Variants in AFG1L observed in about 807,000 individuals in gnomAD.
AFG1L encodes the protein AFG1 like ATPase.
AFG1L carries 53 observed loss-of-function variants against 62.2 expected under a neutral mutation model. The ratio of observed to expected loss-of-function variants is 0.85; its 90% CI spans 0.68 to 1.07. The LOEUF (loss-of-function observed/expected upper bound fraction) is 1.07. AFG1L is among the 50% of genes least tolerant of loss of function. AFG1L has a pLI of 0.00. For missense variants in AFG1L, 555 were observed against 590.5 expected (o/e 0.94, Z 0.62); for synonymous variants, 228 against 210.3 (o/e 1.08, Z -0.73).
intron 10 of AFG1L, among the ~76,000 whole-genome samples, chr6:108,487,016 ATTTC>A (rs1773598696): frequency 6.6e-6 from 1 of 152,164 alleles, no homozygotes; most frequent in South Asian, 2.1e-4. Context: ...GTCAGCAACT[ATTTC>A]TTAAGTACTT....
chr6:108,379,120 C>T (rs1780384071), intron 6 of AFG1L, among the ~76,000 whole-genome samples: 1 of 150,818 alleles, frequency 6.6e-6, no homozygotes, highest in South Asian at 2.1e-4. Context: ...GAGCAATTCT[C>T]CTGCCTCAGC....
chr6:108,361,794 A>G (rs866728401), intron 5 of AFG1L, among the ~76,000 whole-genome samples: 1 of 152,134 alleles, frequency 6.6e-6, no homozygotes, highest in Non-Finnish European at 1.5e-5. Context: ...TTAACACCCT[A>G]TTTGAAATTG....
intron 3 of AFG1L, among the ~76,000 whole-genome samples, chr6:108,349,543 T>C (rs1778999224): frequency 6.6e-6 from 1 of 152,076 alleles, no homozygotes; most frequent in Admixed American, 6.5e-5. Flanking sequence ...GCTCTCTGTA[T>C]GGGAGAGTAG....
intron 7 of AFG1L, among the ~76,000 whole-genome samples, chr6:108,446,089 CA>C (rs1562166620): frequency 1.4e-4 from 16 of 113,270 alleles, no homozygotes; most frequent in African/African-American, 3.4e-4. Context: ...CACACACACA[CA>C]CACACACACA....
At chr6:108,446,485 CTCTCTCTT>C (rs1278234477) in intron 7 of AFG1L, among the ~76,000 whole-genome samples, 3 of 142,514 alleles carry the variant, frequency 2.1e-5, no homozygotes, top group Non-Finnish European at 4.5e-5. Context: ...CCAACTCTCT[CTCTCTCTT>C]TTTTTTTTTT....
intron 7 of AFG1L, among the ~76,000 whole-genome samples, chr6:108,432,313 AT>A (rs1323260345): frequency 6.6e-6 from 1 of 151,868 alleles, no homozygotes; most frequent in Non-Finnish European, 1.5e-5. Context: ...GTACATTCTT[AT>A]GTGTTTTCTC....
chr6:108,492,121 T>C (rs1023546757), intron 10 of AFG1L, among the ~76,000 whole-genome samples: 1 of 152,236 alleles, frequency 6.6e-6, no homozygotes, highest in African/African-American at 2.4e-5. Flanking sequence ...GGATCCTAAA[T>C]ATCTCTTTTT....
intron 8 of AFG1L, among the ~76,000 whole-genome samples, chr6:108,462,655 T>C (rs1329150247): frequency 7.2e-5 from 11 of 152,150 alleles, no homozygotes; most frequent in Non-Finnish European, 1.5e-4. Flanking sequence ...CTTTATTGAA[T>C]AGTGTTTGTT....
intron 8 of AFG1L, among the ~76,000 whole-genome samples, chr6:108,457,703 T>C (rs1772306697): frequency 6.6e-6 from 1 of 152,166 alleles, no homozygotes; most frequent in African/African-American, 2.4e-5. Flanking sequence ...CATTCTGTTA[T>C]ATAGATTGAA....
At chr6:108,522,182 A>T in intron 12 of AFG1L, 115 bp from the exon 13 acceptor site, 1 of 848,330 alleles carries the variant, frequency 1.2e-6, no homozygotes, top group Non-Finnish European at 1.8e-6. Context: ...AAAAAGTTAT[A>T]AAAAAAGGCA....
At chr6:108,412,289 T>C (rs1174677417) in intron 7 of AFG1L, among the ~76,000 whole-genome samples, 1 of 152,208 alleles carries the variant, frequency 6.6e-6, no homozygotes, top group Admixed American at 6.5e-5. Context: ...CTACATCTGA[T>C]TGGTGTATCT....
intron 7 of AFG1L, among the ~76,000 whole-genome samples, chr6:108,430,576 C>A (rs980825667): frequency 6.6e-6 from 1 of 152,110 alleles, no homozygotes; most frequent in Non-Finnish European, 1.5e-5. Flanking sequence ...AGATAGAGAT[C>A]AAAATACTTG....
intron 10 of AFG1L, among the ~76,000 whole-genome samples, chr6:108,492,422 A>G (rs1773811019): frequency 6.6e-6 from 1 of 152,226 alleles, no homozygotes; most frequent in Admixed American, 6.5e-5. Flanking sequence ...GCTGGTACTA[A>G]TTACTTCATC....
intron 7 of AFG1L, among the ~76,000 whole-genome samples, chr6:108,405,312 T>G (rs1425676539): frequency 6.6e-6 from 1 of 152,164 alleles, no homozygotes; most frequent in African/African-American, 2.4e-5. Flanking sequence ...TTAACCAAAT[T>G]TTTTATTGTG....
intron 3 of AFG1L, among the ~76,000 whole-genome samples, chr6:108,351,451 T>G (rs1258471557): frequency 6.6e-6 from 1 of 152,212 alleles, no homozygotes; most frequent in Non-Finnish European, 1.5e-5. Flanking sequence ...AATTATTAAC[T>G]CTAGTGGTGA....
rs1210612611 is a variant in AFG1L at position 108,438,414 on chromosome 6, T to G, written c.808-8800T>G. Among the ~76,000 whole-genome samples the G allele has an allele frequency of 1.3e-5, 2 of 152,138 alleles. 1 individual carries two copies. The highest frequency in any genetic ancestry group is 1.3e-4 in the Admixed American group (2 of 15,264). Reference sequence around the variant, plus strand: ...GTATCCACATGTCCACATTTCCTCTTCTCATAAGGATACCAGTCAGACTTC... The same window carrying G: ...GTATCCACATGTCCACATTTCCTCTGCTCATAAGGATACCAGTCAGACTTC... On this transcript the variant is annotated intron_variant, in intron 7 of 12. Transcript: ENST00000368977.
At chr6:108,477,704 C>T (rs985054439) in intron 10 of AFG1L, among the ~76,000 whole-genome samples, 7 of 152,124 alleles carry the variant, frequency 4.6e-5, no homozygotes, top group African/African-American at 1.7e-4. Flanking sequence ...ACTGATTGCC[C>T]ATCTGATATT....
intron 3 of AFG1L, among the ~76,000 whole-genome samples, chr6:108,349,732 T>G (rs1381199051): frequency 2.0e-5 from 3 of 151,756 alleles, no homozygotes; most frequent in Admixed American, 6.6e-5. Context: ...CCTGGACAAC[T>G]AGGTGAGACC....
intron 3 of AFG1L, among the ~76,000 whole-genome samples, chr6:108,354,973 G>T (rs1055429964): frequency 9.9e-5 from 15 of 152,088 alleles, no homozygotes; most frequent in African/African-American, 3.6e-4. Flanking sequence ...GCTTTATTTT[G>T]AGAGATCTAT....
Sources: gnomAD v4.1 joint callset for allele counts (sites outside exome capture counted in the v4.1 genomes callset) on GRCh38, gnomAD v4.1.1 for gene constraint, MANE v1.5 for transcripts, NCBI Gene and HGNC (gene_info 2026-07-23, HGNC 2026-07-21) for gene names.